Variants in RAPGEF6 observed in about 807,000 individuals in gnomAD.
RAPGEF6 encodes the protein Rap guanine nucleotide exchange factor 6.
RAPGEF6 carries 56 observed loss-of-function variants against 171.4 expected under a neutral mutation model. That is an observed-to-expected ratio of 0.33 (90% CI 0.26 to 0.41). The LOEUF is 0.41. Among genes scored for constraint, RAPGEF6 ranks in the 10% least tolerant of loss-of-function variants. The pLI is 1.00. For synonymous variants in RAPGEF6, 692 were observed against 650.1 expected, an observed-to-expected ratio of 1.06 and a Z score of -0.98; for missense variants, 1,674 against 1,921.4, an observed-to-expected ratio of 0.87 and a Z score of 2.41.
intron 17 of RAPGEF6, among the ~76,000 whole-genome samples, chr5:131,468,429 A>C (rs879017275): frequency 6.6e-6 from 1 of 152,034 alleles, no homozygotes; most frequent in East Asian, 1.9e-4. Flanking sequence ...TAGAAACCTG[A>C]TATCTAGACT....
chr5:131,449,121 C>T (rs562097638), intron 21 of RAPGEF6, among the ~76,000 whole-genome samples: 4 of 152,280 alleles, frequency 2.6e-5, no homozygotes, highest in African/African-American at 9.6e-5. Flanking sequence ...TAACAAAATT[C>T]TTCTTATGCA....
At chr5:131,436,400 A>G in intron 24 of RAPGEF6, 1 of 1,527,988 alleles carries the variant, frequency 6.5e-7, no homozygotes, top group East Asian at 2.4e-5. Context: ...AGAGATGCAA[A>G]AACCCTGACA....
chr5:131,522,209 T>C (rs1269409540), intron 6 of RAPGEF6, among the ~76,000 whole-genome samples: 1 of 152,146 alleles, frequency 6.6e-6, no homozygotes, highest in African/African-American at 2.4e-5. Context: ...ATCTTTAATA[T>C]GGTCGCATTC....
At chr5:131,550,389 T>C (rs2149952525) in intron 5 of RAPGEF6, among the ~76,000 whole-genome samples, 1 of 152,348 alleles carries the variant, frequency 6.6e-6, no homozygotes. Context: ...TTTATCACCT[T>C]ATCTTACATG....
chr5:131,554,346 G>T (rs964996981), intron 5 of RAPGEF6, among the ~76,000 whole-genome samples: 6 of 152,124 alleles, frequency 3.9e-5, no homozygotes, highest in Non-Finnish European at 8.8e-5. Context: ...TATTAGGACG[G>T]TCTCATATAT....
chr5:131,603,935 G>C (rs1764397555), intron 2 of RAPGEF6, among the ~76,000 whole-genome samples: 1 of 151,958 alleles, frequency 6.6e-6, no homozygotes, highest in South Asian at 2.1e-4. Context: ...TTCGTGGTGG[G>C]AACACATGTT....
chr5:131,550,171 C>G (rs913546779), intron 5 of RAPGEF6, among the ~76,000 whole-genome samples: 4 of 152,108 alleles, frequency 2.6e-5, no homozygotes, highest in African/African-American at 4.8e-5. Flanking sequence ...ACCTCAGTCC[C>G]AAACCACAGC....
Position 131,442,672 on chromosome 5 carries a change from G to T in RAPGEF6, c.3422-135C>A. The T allele has an allele frequency of 1.0e-5, 14 of 1,356,166 alleles. No homozygotes were observed. The South Asian group carries it at 2.4e-4, about 23-fold the overall frequency. 84.0% of individuals were successfully genotyped at this position (1,356,166 alleles called of 1,614,324 possible). A position where few individuals can be genotyped will look rare whatever the true frequency, so the allele number is the denominator to read the frequency against. On this transcript the variant is annotated intron_variant, in intron 22 of 27. Coordinates refer to ENST00000509018, the MANE Select transcript of RAPGEF6 (RefSeq NM_016340.6). ...AAAATAGATTAATTTTTCTTAGCAG[G>T]AATTTCAGTTAAGTACTATAAGATG...
chr5:131,466,575 T>C (rs954711817), intron 17 of RAPGEF6, among the ~76,000 whole-genome samples: 2 of 152,148 alleles, frequency 1.3e-5, no homozygotes, highest in Admixed American at 1.3e-4. Flanking sequence ...GTTCTCACAA[T>C]AGTGAACAAG....
At chr5:131,475,074 G>A (rs116563394) in intron 16 of RAPGEF6, among the ~76,000 whole-genome samples, 268 of 152,276 alleles carry the variant, frequency 1.8e-3, no homozygotes, top group Non-Finnish European at 3.1e-3. Flanking sequence ...TTCTGCTTTT[G>A]AATGCTCAAT....
chr5:131,621,037 G>A (rs894594671), intron 1 of RAPGEF6, among the ~76,000 whole-genome samples: 1 of 152,160 alleles, frequency 6.6e-6, no homozygotes, highest in Non-Finnish European at 1.5e-5. Flanking sequence ...TCTTGTCCCA[G>A]TGTTCCAGCT....
chr5:131,537,810 G>A (rs528174195), intron 6 of RAPGEF6, among the ~76,000 whole-genome samples: 4 of 152,260 alleles, frequency 2.6e-5, no homozygotes, highest in Non-Finnish European at 5.9e-5. Context: ...TAACAGTAGA[G>A]GCTGGGGGTG....
chr5:131,532,913 C>G (rs1486048729), intron 6 of RAPGEF6: 5 of 152,592 alleles, frequency 3.3e-5, no homozygotes, highest in African/African-American at 1.2e-4. Context: ...ATTATATCTT[C>G]TGCTAAAGCA....
At position 131,464,299 on chromosome 5, in the gene RAPGEF6, T is replaced by C. The variant is rs1297643720; in HGVS notation, c.2240-18A>G. Reference sequence around the variant, plus strand: ...AGGGATATCTACATAAATAGAAAGATATGCTTTGTTATTTTTTAAAAAAAT... The same window carrying C: ...AGGGATATCTACATAAATAGAAAGACATGCTTTGTTATTTTTTAAAAAAAT... On this transcript the variant is annotated intron_variant, in intron 17 of 27. Transcript: ENST00000509018. The C allele has an allele frequency of 6.9e-6, 11 of 1,593,810 alleles. No individual in the cohort carries two copies. Among genetic ancestry groups the C allele is most frequent in the Non-Finnish European group, 8.6e-6 (10 of 1,163,926 alleles).
chr5:131,579,174 C>T (rs902190156), intron 4 of RAPGEF6, among the ~76,000 whole-genome samples: 1 of 152,086 alleles, frequency 6.6e-6, no homozygotes, highest in African/African-American at 2.4e-5. Flanking sequence ...TCGCTCCTCC[C>T]GTCTGGAGTT....
chr5:131,593,454 C>T (rs1763704923), intron 3 of RAPGEF6, among the ~76,000 whole-genome samples: 1 of 152,140 alleles, frequency 6.6e-6, no homozygotes, highest in Non-Finnish European at 1.5e-5. Flanking sequence ...ACAAAGATAC[C>T]TGAAAATGTA....
intron 1 of RAPGEF6, 25 bp from the exon 2 acceptor site, chr5:131,604,718 G>C: frequency 6.3e-7 from 1 of 1,583,858 alleles, no homozygotes; most frequent in Non-Finnish European, 8.6e-7. Context: ...AAAAAAATTA[G>C]ATTATTTTTC....
intron 1 of RAPGEF6, among the ~76,000 whole-genome samples, chr5:131,614,280 T>C (rs1398370455): frequency 1.7e-4 from 1 of 5,792 alleles, no homozygotes; most frequent in South Asian, 5.1e-3. Context: ...AGACTCTGTC[T>C]CAAAAAAAAA....
intron 6 of RAPGEF6, among the ~76,000 whole-genome samples, chr5:131,525,923 A>G (rs1419917413): frequency 1.3e-5 from 2 of 152,162 alleles, no homozygotes; most frequent in African/African-American, 4.8e-5. Context: ...CTAAAAAGGA[A>G]GTGTTATTAT....
Sources: gnomAD v4.1 joint callset for allele counts (sites outside exome capture counted in the v4.1 genomes callset) on GRCh38, gnomAD v4.1.1 for gene constraint, MANE v1.5 for transcripts, NCBI Gene and HGNC (gene_info 2026-07-23, HGNC 2026-07-21) for gene names.